Variants in CHD9 observed in about 807,000 individuals in gnomAD.
The protein encoded by CHD9 is ATP-dependent chromatin remodeler CHD9.
A neutral mutation model predicts 316.1 loss-of-function variants in CHD9; 77 were observed. That is an observed-to-expected ratio of 0.24 (90% CI 0.20 to 0.29). The LOEUF is 0.29. Ranked by LOEUF, CHD9 falls within the 10% of genes least tolerant of loss-of-function variation. The pLI is 1.00. For synonymous variants in CHD9, 1,129 were observed against 1,158.3 expected (o/e 0.97, Z 0.51); for missense variants, 2,763 against 3,438.1 (o/e 0.80, Z 4.91).
chr16:53,278,751 T>A (rs2053118143), intron 24 of CHD9, among the ~76,000 whole-genome samples: 1 of 151,980 alleles, frequency 6.6e-6, no homozygotes, highest in African/African-American at 2.4e-5. Context: ...AACAGACACA[T>A]GAAAAAATGC....
chr16:53,178,209 C>T (rs987080738), intron 2 of CHD9, among the ~76,000 whole-genome samples: 1 of 152,038 alleles, frequency 6.6e-6, no homozygotes, highest in African/African-American at 2.4e-5. Context: ...TTGTGAAGCC[C>T]AGGGAAGGAA....
At chr16:53,120,131 C>T (rs1486689276) in intron 1 of CHD9, among the ~76,000 whole-genome samples, 6 of 151,994 alleles carry the variant, frequency 3.9e-5, no homozygotes, top group Non-Finnish European at 7.4e-5. Context: ...ATTCAGTAGG[C>T]TGAGGTAAGA....
chr16:53,068,692 T>C (rs182028601), intron 1 of CHD9, among the ~76,000 whole-genome samples: 5 of 152,322 alleles, frequency 3.3e-5, no homozygotes, highest in Middle Eastern at 3.4e-3. Flanking sequence ...GTCCTCTCCC[T>C]GAACAATTCT....
intron 17 of CHD9, among the ~76,000 whole-genome samples, chr16:53,251,743 A>G (rs979866066): frequency 6.6e-6 from 1 of 152,358 alleles, no homozygotes; most frequent in African/African-American, 2.4e-5. Flanking sequence ...AAGATAAAAT[A>G]TGAAGCCCTT....
intron 19 of CHD9, among the ~76,000 whole-genome samples, chr16:53,257,621 A>G (rs887800033): frequency 1.4e-4 from 21 of 152,184 alleles, no homozygotes; most frequent in African/African-American, 4.6e-4. Flanking sequence ...TTTAAGATAG[A>G]GAAGGACATT....
At chr16:53,319,753 G>A in intron 37 of CHD9, 1 of 931,208 alleles carries the variant, frequency 1.1e-6, no homozygotes, top group Non-Finnish European at 1.4e-6. Context: ...CTTCATGAGA[G>A]GTTTGTTCAT....
Position 53,274,253 on chromosome 16 carries a change from G to A in CHD9, c.4918G>A (p.Glu1640Lys). The A allele has an allele frequency of 6.2e-7, 1 of 1,600,716 alleles. No individual in the cohort carries two copies. The change falls in exon 24 of 39, where the codon GAA (glutamate) becomes AAA (lysine). Residue 1640 changes from glutamate (E) to lysine (K), a missense_variant. Around this residue, in one of 15 missense-constraint regions of CHD9, gnomAD observed 40 missense variants for 39.5 expected, o/e 1.01. Transcript: ENST00000447540. ...GAGAATGCTGTATTATCTAAAGCAA[G>A]AAGTTATTGGAAATGAGTGTCAGAA... is the stretch of plus-strand genomic sequence containing the variant. ...RVRMLYYLKQ[E>K]VIGNECQKVF... is the part of the protein sequence containing the mutation.
intron 19 of CHD9, among the ~76,000 whole-genome samples, chr16:53,260,315 CA>C (rs1257927879): frequency 6.6e-6 from 1 of 152,050 alleles, no homozygotes; most frequent in East Asian, 1.9e-4. Flanking sequence ...TCCATCTCTA[CA>C]AAAAAGTTAA....
At chr16:53,285,806 G>A (rs1288156265) in intron 25 of CHD9, 107 bp downstream of exon 25, 2 of 592,560 alleles carry the variant, frequency 3.4e-6, no homozygotes, top group Non-Finnish European at 5.9e-6. Context: ...TAACATCTAT[G>A]TTATATATAC....
At chr16:53,239,890 T>G (rs1316092723) in intron 12 of CHD9, among the ~76,000 whole-genome samples, 2 of 152,200 alleles carry the variant, frequency 1.3e-5, no homozygotes, top group African/African-American at 4.8e-5. Flanking sequence ...AGGTGACTAT[T>G]TTCAATTGAA....
chr16:53,276,077 C>T (rs540555949), intron 24 of CHD9, among the ~76,000 whole-genome samples: 1 of 152,170 alleles, frequency 6.6e-6, no homozygotes, highest in Non-Finnish European at 1.5e-5. Context: ...CATCTTAACA[C>T]TTACTCACTA....
chr16:53,278,049 C>G (rs1395723416), intron 24 of CHD9, among the ~76,000 whole-genome samples: 1 of 151,280 alleles, frequency 6.6e-6, no homozygotes, highest in Non-Finnish European at 1.5e-5. Context: ...TATACCTAAC[C>G]AAGGACGTGA....
At chr16:53,063,062 T>C (rs2033093418) in intron 1 of CHD9, among the ~76,000 whole-genome samples, 1 of 151,902 alleles carries the variant, frequency 6.6e-6, no homozygotes, top group Non-Finnish European at 1.5e-5. Context: ...ATTAGAAAAA[T>C]ATATATGTAT....
intron 25 of CHD9, 111 bp downstream of exon 25, chr16:53,285,810 T>C (rs2053821141): frequency 1.7e-6 from 1 of 574,960 alleles, no homozygotes; most frequent in Admixed American, 3.5e-5. Context: ...ATCTATGTTA[T>C]ATATACAGAA....
At chr16:53,154,790 A>G (rs957949134) in intron 1 of CHD9, among the ~76,000 whole-genome samples, 3 of 152,186 alleles carry the variant, frequency 2.0e-5, no homozygotes, top group Non-Finnish European at 4.4e-5. Context: ...CTAACAGGCC[A>G]CGCACCCATT....
intron 32 of CHD9, 43 bp from the exon 33 acceptor site, chr16:53,307,638 T>G: frequency 6.5e-7 from 1 of 1,527,820 alleles, no homozygotes; most frequent in Non-Finnish European, 8.8e-7. Context: ...AAAGGTCTGA[T>G]CTAATTATTA....
chr16:53,204,050 T>A (rs111911661), intron 2 of CHD9, among the ~76,000 whole-genome samples: 2,198 of 66,244 alleles, frequency 0.033, 55 homozygotes, highest in East Asian at 0.052. Flanking sequence ...AAAAAAAAAA[T>A]ATATATATAC....
At chr16:53,282,768 A>G (rs984593388) in intron 24 of CHD9, among the ~76,000 whole-genome samples, 1 of 152,002 alleles carries the variant, frequency 6.6e-6, no homozygotes, top group African/African-American at 2.4e-5. Flanking sequence ...TGCTTACCTT[A>G]CTTTACCTTT....
chr16:53,306,224 T>G lies in CHD9; in HGVS notation c.6620-13T>G, dbSNP rs772749606. ...TAGTCTTTTTAAAAAATGATTATAA[T>G]TGTTTTTAGCAGAAAGTACTACTCA... On this transcript the variant is annotated splice_polypyrimidine_tract_variant and intron_variant, in intron 31 of 38. Coordinates refer to ENST00000447540, the MANE Select transcript of CHD9 (RefSeq NM_001308319.2). The G allele has an allele frequency of 5.5e-6, 8 of 1,449,700 alleles. No homozygotes were observed. Among genetic ancestry groups the G allele is most frequent in the Non-Finnish European group, 7.3e-6 (8 of 1,096,208 alleles). The allele number at this position is 1,449,700 out of a possible 1,614,324, so 89.8% of individuals were successfully genotyped here.
Sources: allele counts gnomAD v4.1 joint callset (sites outside exome capture counted in the v4.1 genomes callset), GRCh38; gene constraint gnomAD v4.1.1; regional missense constraint gnomAD v4.1.1; transcripts MANE v1.5; gene names NCBI Gene and HGNC (gene_info 2026-07-23, HGNC 2026-07-21).